ZEB2: variants seen among roughly 807,000 people sequenced by gnomAD.
ZEB2 encodes zinc finger E-box binding homeobox 2.
A neutral mutation model predicts 99.9 loss-of-function variants in ZEB2; 6 were observed. The ratio of observed to expected loss-of-function variants is 0.06; its 90% CI spans 0.03 to 0.12. The LOEUF (loss-of-function observed/expected upper bound fraction) is 0.12, where lower values mean the gene tolerates loss of function less well. ZEB2 is among the 10% of genes least tolerant of loss of function. The pLI is 1.00. For missense variants in ZEB2, 969 were observed against 1,502.8 expected (o/e 0.64, Z 5.87); for synonymous variants, 517 against 542.5 (o/e 0.95, Z 0.65).
At chr2:144,407,522 G>T (rs966754504) in intron 4 of ZEB2, among the ~76,000 whole-genome samples, 2 of 152,130 alleles carry the variant, frequency 1.3e-5, no homozygotes, top group Non-Finnish European at 2.9e-5. Context: ...TAAAGTATTT[G>T]CTCATTGTTT....
intron 2 of ZEB2, chr2:144,494,497 C>T (rs1704733124): frequency 6.6e-6 from 1 of 152,168 alleles, no homozygotes; most frequent in Non-Finnish European, 1.5e-5. Flanking sequence ...AATGTAAATT[C>T]ATTTCTGAAA....
rs1452354874 is a variant in ZEB2 at position 144,396,515 on chromosome 2, G to A, written c.2964C>T (p.Arg988=). ...CACTCTCTGTCTTCTTGATCTTTTT[G>A]CGAGACAGACAGGAGTCGGAGTCTG... is the stretch of plus-strand genomic sequence containing the variant. ...DMTDSDSCLS[R]KKIKKTESGM... Residue 988 remains arginine (R), a synonymous_variant, in exon 9 of 10, where the codon CGC becomes CGT. Coordinates refer to ENST00000627532, the MANE Select transcript of ZEB2 (RefSeq NM_014795.4). The A allele has an allele frequency of 1.2e-6, 2 of 1,614,062 alleles. No individual in the cohort carries two copies. Among genetic ancestry groups the A allele is most frequent in the South Asian group, 2.2e-5 (2 of 91,078 alleles).
chr2:144,485,917 C>T (rs1443364427), intron 2 of ZEB2, among the ~76,000 whole-genome samples: 2 of 152,168 alleles, frequency 1.3e-5, no homozygotes, highest in Admixed American at 6.5e-5. Flanking sequence ...CTGCGCCTGG[C>T]CTCTCTCTTC....
chr2:144,424,741 C>T, intron 4 of ZEB2, 55 bp downstream of exon 4: 2 of 1,603,362 alleles, frequency 1.2e-6, no homozygotes, highest in Non-Finnish European at 1.7e-6. Flanking sequence ...CCCTGCCTCA[C>T]TAAACCCACA....
intron 2 of ZEB2, among the ~76,000 whole-genome samples, chr2:144,441,010 G>A (rs1397350673): frequency 6.7e-6 from 1 of 148,408 alleles, no homozygotes; most frequent in Non-Finnish European, 1.5e-5. Flanking sequence ...CCAACAACAA[G>A]TGTCCTCAAG....
intron 4 of ZEB2, among the ~76,000 whole-genome samples, chr2:144,409,182 G>A (rs916352154): frequency 3.3e-5 from 5 of 151,984 alleles, no homozygotes; most frequent in Non-Finnish European, 7.4e-5. Context: ...TTCCTTTTCT[G>A]CTTGAAGGTA....
chr2:144,443,462 T>G (rs991594435), intron 2 of ZEB2, among the ~76,000 whole-genome samples: 7 of 152,178 alleles, frequency 4.6e-5, no homozygotes, highest in Non-Finnish European at 5.9e-5. Context: ...TACTGTAAAT[T>G]TATTATACTT....
chr2:144,439,133 G>GAAAAAA (rs1174940162), intron 2 of ZEB2, among the ~76,000 whole-genome samples: 4 of 79,682 alleles, frequency 5.0e-5, no homozygotes. Context: ...CTGGGAGGAA[G>GAAAAAA]AAAAAAAAAA....
intron 2 of ZEB2, among the ~76,000 whole-genome samples, chr2:144,437,261 C>T (rs1009193334): frequency 6.6e-6 from 1 of 152,124 alleles, no homozygotes; most frequent in African/African-American, 2.4e-5. Context: ...TCTAACAGCA[C>T]CTTCATCAGC....
At chr2:144,467,090 G>A (rs1046608292) in intron 2 of ZEB2, among the ~76,000 whole-genome samples, 1 of 151,694 alleles carries the variant, frequency 6.6e-6, no homozygotes, top group Non-Finnish European at 1.5e-5. Context: ...TGTTCCTCAA[G>A]ATTTTGGTTT....
At chr2:144,494,843 G>A (rs569848475) in intron 2 of ZEB2, 11 of 152,144 alleles carry the variant, frequency 7.2e-5, no homozygotes, top group South Asian at 4.1e-4. Flanking sequence ...CATTATGTAC[G>A]CATAAACAAA....
At chr2:144,473,722 A>G (rs1395711682) in intron 2 of ZEB2, among the ~76,000 whole-genome samples, 1 of 152,122 alleles carries the variant, frequency 6.6e-6, no homozygotes, top group East Asian at 1.9e-4. Flanking sequence ...GGTGCAGGGA[A>G]ATTGAACATG....
At chr2:144,395,817 A>G (rs752843285) in intron 9 of ZEB2, among the ~76,000 whole-genome samples, 10 of 152,212 alleles carry the variant, frequency 6.6e-5, no homozygotes, top group African/African-American at 1.2e-4. Flanking sequence ...TAATGCATGA[A>G]TTGGAAATAT....
intron 2 of ZEB2, among the ~76,000 whole-genome samples, chr2:144,506,943 G>C (rs560505073): frequency 6.4e-4 from 97 of 152,152 alleles, no homozygotes; most frequent in African/African-American, 2.1e-3. Context: ...ATACATTTTA[G>C]GAAATCATTA....
In ZEB2 at chr2:144,389,625, G is replaced by T; in HGVS notation, c.3471C>A (p.Asp1157Glu). Residue 1157 changes from aspartate (D) to glutamate (E), a missense_variant, in exon 10 of 10, where the codon GAC becomes GAA. Asp to Glu is a conservative substitution (Grantham distance 45). Coordinates refer to ENST00000627532, the MANE Select transcript of ZEB2 (RefSeq NM_014795.4). This position sits in a 1 kb window ranked among gnomAD's most constrained non-coding sequence, Gnocchi z 6.8. Reference sequence around the variant, plus strand: ...CTTCCTCTTCCTCCTCGAACTCCTCGTCGCCATCCTGTCTGCCCAGCTTCC... The same window carrying T: ...CTTCCTCTTCCTCCTCGAACTCCTCTTCGCCATCCTGTCTGCCCAGCTTCC... ...GYGKLGRQDG[D>E]EEFEEEEEES... The T allele has an allele frequency of 6.2e-7, 1 of 1,613,566 alleles. No homozygotes were observed. Among genetic ancestry groups the T allele is most frequent in the Non-Finnish European group, 8.5e-7 (1 of 1,179,966 alleles).
chr2:144,391,753 G>A lies in ZEB2; in HGVS notation c.3068-1725C>T, dbSNP rs370788742. 1.1e-4 allele frequency among the ~76,000 whole-genome samples: 17 copies of A among 152,340 alleles called. No individual in the cohort carries two copies. The East Asian group carries it at 2.9e-3, about 26-fold the overall frequency. On this transcript the variant is annotated intron_variant, in intron 9 of 9. Transcript: ENST00000627532. ...GGACTTGGACCTTAAAGGAAAGGATGCTGTCAGGAGAAAGGATAAGACGTT... is the reference window on the plus strand; with the variant it reads ...GGACTTGGACCTTAAAGGAAAGGATACTGTCAGGAGAAAGGATAAGACGTT...
intron 2 of ZEB2, among the ~76,000 whole-genome samples, chr2:144,457,444 A>C (rs769733064): frequency 5.8e-4 from 89 of 152,184 alleles, no homozygotes; most frequent in Non-Finnish European, 1.0e-3. Context: ...AAGTGAGCAA[A>C]CAAAAGCCAA....
intron 2 of ZEB2, among the ~76,000 whole-genome samples, chr2:144,501,480 A>G (rs1704869050): frequency 6.6e-6 from 1 of 152,226 alleles, no homozygotes; most frequent in Admixed American, 6.5e-5. Flanking sequence ...AGAACAGTTC[A>G]TTAAAAGGTG....
At chr2:144,390,135 G>A in intron 9 of ZEB2, 107 bp from the exon 10 acceptor site, 1 of 1,152,750 alleles carries the variant, frequency 8.7e-7, no homozygotes, top group Non-Finnish European at 1.3e-6. Context: ...GTGTACTTAT[G>A]CCTGAAAGAT....
Sources: gnomAD v4.1 joint callset for allele counts (sites outside exome capture counted in the v4.1 genomes callset) on GRCh38, gnomAD v4.1.1 for gene constraint, Gnocchi (gnomAD v3.1) non-coding constraint, MANE v1.5 for transcripts, NCBI Gene and HGNC (gene_info 2026-07-23, HGNC 2026-07-21) for gene names.